The following SGCZ variants were observed in gnomAD, a reference collection of about 807,000 sequenced individuals.
The protein encoded by SGCZ is sarcoglycan zeta, also known as zeta-sarcoglycan.
In SGCZ, 40 loss-of-function variants were observed where a neutral mutation model predicts 41.3. The observed-to-expected ratio is 0.97, with a 90% confidence interval of 0.75 to 1.26. The LOEUF is 1.26. SGCZ is among the 50% of genes most tolerant of loss of function. SGCZ has a pLI of 0.00. For synonymous variants in SGCZ, 206 were observed against 137.5 expected (o/e 1.50, Z -3.49); for missense variants, 552 against 369.8 (o/e 1.49, Z -4.04).
intron 1 of SGCZ, among the ~76,000 whole-genome samples, chr8:14,972,075 C>T (rs967386856): frequency 6.6e-6 from 1 of 151,844 alleles, no homozygotes; most frequent in Non-Finnish European, 1.5e-5. Flanking sequence ...TTCTTCTTTT[C>T]GATTTTCTGG....
chr8:14,587,374 TAAA>T (rs200503901), intron 1 of SGCZ, among the ~76,000 whole-genome samples: 56 of 138,446 alleles, frequency 4.0e-4, no homozygotes, highest in Middle Eastern at 3.9e-3. Context: ...CATTTGGAGC[TAAA>T]AAAAAAAAAA....
At chr8:15,015,726 CGTGTGTGTGTGTGTGTGTGTGTGT>C (rs60624490) in intron 1 of SGCZ, among the ~76,000 whole-genome samples, 6 of 125,146 alleles carry the variant, frequency 4.8e-5, no homozygotes, top group African/African-American at 1.5e-4. Context: ...GAAATATACA[CGTGTGTGTGTGTGTGTGTGTGTGT>C]GTGTGTGTGT....
chr8:14,779,748 A>C (rs1331390803), intron 1 of SGCZ, among the ~76,000 whole-genome samples: 1 of 152,180 alleles, frequency 6.6e-6, no homozygotes, highest in African/African-American at 2.4e-5. Flanking sequence ...GGGTGAAGCA[A>C]AAGGGATTCA....
At chr8:14,334,623 C>T (rs1802448632) in intron 2 of SGCZ, among the ~76,000 whole-genome samples, 1 of 151,940 alleles carries the variant, frequency 6.6e-6, no homozygotes, top group South Asian at 2.1e-4. Flanking sequence ...TTCCCTGATT[C>T]ATTTCCCAGC....
chr8:14,264,193 A>G (rs1223137207), intron 3 of SGCZ, among the ~76,000 whole-genome samples: 2 of 152,218 alleles, frequency 1.3e-5, no homozygotes, highest in African/African-American at 4.8e-5. Flanking sequence ...GCATTGCAGT[A>G]GCCATGGTGA....
At chr8:14,758,058 T>C (rs995580950) in intron 1 of SGCZ, among the ~76,000 whole-genome samples, 10 of 152,192 alleles carry the variant, frequency 6.6e-5, no homozygotes, top group Non-Finnish European at 1.3e-4. Flanking sequence ...CCATTTCCAG[T>C]AACTTTTTAA....
intron 3 of SGCZ, among the ~76,000 whole-genome samples, chr8:14,264,881 T>A (rs1270862891): frequency 6.6e-6 from 1 of 152,150 alleles, no homozygotes. Context: ...GAGAATGGCG[T>A]GAACCCGGGA....
At chr8:14,696,441 G>C (rs1808966408) in intron 1 of SGCZ, among the ~76,000 whole-genome samples, 1 of 152,094 alleles carries the variant, frequency 6.6e-6, no homozygotes, top group South Asian at 2.1e-4. Flanking sequence ...TGAGCTTAAA[G>C]AATGTCAAAG....
intron 2 of SGCZ, among the ~76,000 whole-genome samples, chr8:14,520,130 T>A (rs1354051107): frequency 6.6e-6 from 1 of 152,094 alleles, no homozygotes; most frequent in African/African-American, 2.4e-5. Context: ...TCCTGCCAAG[T>A]CCTCTAAGGT....
intron 1 of SGCZ, among the ~76,000 whole-genome samples, chr8:14,764,090 G>A (rs1389367260): frequency 6.6e-6 from 1 of 152,098 alleles, no homozygotes; most frequent in African/African-American, 2.4e-5. Flanking sequence ...CAGGAAAAAA[G>A]GAAATGCTTC....
At chr8:14,691,447 C>T (rs941760827) in intron 1 of SGCZ, among the ~76,000 whole-genome samples, 4 of 151,930 alleles carry the variant, frequency 2.6e-5, no homozygotes, top group Non-Finnish European at 5.9e-5. Flanking sequence ...GATGACCTAG[C>T]GTGGGTATTT....
chr8:14,272,497 T>A (rs1800097376), intron 3 of SGCZ, among the ~76,000 whole-genome samples: 1 of 152,200 alleles, frequency 6.6e-6, no homozygotes, highest in Admixed American at 6.5e-5. Context: ...GGTGAATGAC[T>A]TAATGTTGGC....
chr8:14,638,983 C>A (rs79858633), intron 1 of SGCZ, among the ~76,000 whole-genome samples: 16,269 of 150,652 alleles, frequency 0.11, 1,068 homozygotes, highest in African/African-American at 0.19. Context: ...GTAAGATAAT[C>A]ATACTAGAAT....
chr8:14,493,112 A>G (rs564169349), intron 2 of SGCZ, among the ~76,000 whole-genome samples: 6 of 152,158 alleles, frequency 3.9e-5, no homozygotes, highest in South Asian at 4.1e-4. Context: ...TACAATTTGC[A>G]TTGTAAATTG....
At chr8:14,905,575 C>G (rs1018061867) in intron 1 of SGCZ, among the ~76,000 whole-genome samples, 1 of 151,874 alleles carries the variant, frequency 6.6e-6, no homozygotes, top group African/African-American at 2.4e-5. Context: ...TCAAAGTGCA[C>G]CAGAGAAAAA....
At chr8:15,203,339 G>C (rs1008845486) in intron 1 of SGCZ, among the ~76,000 whole-genome samples, 2 of 152,142 alleles carry the variant, frequency 1.3e-5, no homozygotes, top group Non-Finnish European at 2.9e-5. Flanking sequence ...ATCGACAGTA[G>C]TGGGATTTTT....
At chr8:14,822,772 A>G (rs1050685468) in intron 1 of SGCZ, among the ~76,000 whole-genome samples, 1 of 152,174 alleles carries the variant, frequency 6.6e-6, no homozygotes, top group Admixed American at 6.6e-5. Flanking sequence ...AGATATCCAC[A>G]TTAAGAACAA....
chr8:14,707,035 A>C (rs1173465238), intron 1 of SGCZ, among the ~76,000 whole-genome samples: 1 of 150,700 alleles, frequency 6.6e-6, no homozygotes, highest in African/African-American at 2.4e-5. Flanking sequence ...CTTTTTTTTA[A>C]AATTTTATTA....
At chr8:15,218,311 C>T (rs879363400) in intron 1 of SGCZ, among the ~76,000 whole-genome samples, 1 of 152,070 alleles carries the variant, frequency 6.6e-6, no homozygotes, top group Non-Finnish European at 1.5e-5. Context: ...TATTATAAAT[C>T]AAATACCCAG....
Sources: gnomAD v4.1 joint callset for allele counts (sites outside exome capture counted in the v4.1 genomes callset) on GRCh38, gnomAD v4.1.1 for gene constraint, MANE v1.5 for transcripts, NCBI Gene and HGNC (gene_info 2026-07-23, HGNC 2026-07-21) for gene names.